Variants in ARHGEF3 observed in about 807,000 individuals in gnomAD.
ARHGEF3 encodes Rho guanine nucleotide exchange factor 3.
ARHGEF3 carries 28 observed loss-of-function variants against 63.2 expected under a neutral mutation model. The observed-to-expected ratio is 0.44, with a 90% CI of 0.33 to 0.61. The LOEUF is 0.61. ARHGEF3 is among the 20% of genes least tolerant of loss of function. The pLI, the probability that ARHGEF3 is intolerant of heterozygous loss-of-function variation, is 0.03. For missense variants in ARHGEF3, 533 were observed against 659.3 expected (o/e 0.81, Z 2.10); for synonymous variants, 266 against 254.2 (o/e 1.05, Z -0.44).
chr3:56,729,852 G>A (rs541158236), intron 9 of ARHGEF3, among the ~76,000 whole-genome samples: 34 of 121,248 alleles, frequency 2.8e-4, no homozygotes, highest in Non-Finnish European at 4.4e-4. Flanking sequence ...TCAGAAACCC[G>A]CAGGTGGAGA....
intron 4 of ARHGEF3, among the ~76,000 whole-genome samples, chr3:56,752,346 C>T (rs181854885): frequency 7.5e-4 from 114 of 152,326 alleles, no homozygotes; most frequent in African/African-American, 2.6e-3. Context: ...GTGTGAGCCA[C>T]CGGACCCGGC....
chr3:56,793,319 G>A (rs1391326191), intron 1 of ARHGEF3, among the ~76,000 whole-genome samples: 6 of 152,170 alleles, frequency 3.9e-5, no homozygotes, highest in Admixed American at 2.0e-4. Flanking sequence ...ACAGGTGCCC[G>A]CCACCGCGCC....
At chr3:56,788,077 T>C (rs1255433809) in intron 1 of ARHGEF3, among the ~76,000 whole-genome samples, 1 of 152,180 alleles carries the variant, frequency 6.6e-6, no homozygotes. Flanking sequence ...ATTCAAGCCC[T>C]ATCACTCTGG....
chr3:57,073,923 T>A, intron 1 of ARHGEF3: 1 of 1,614,176 alleles, frequency 6.2e-7, no homozygotes. Context: ...GGGGGATGTG[T>A]GCCAAAGTGA....
At chr3:56,747,236 C>A (rs972343333) in intron 6 of ARHGEF3, among the ~76,000 whole-genome samples, 1 of 152,134 alleles carries the variant, frequency 6.6e-6, no homozygotes, top group Non-Finnish European at 1.5e-5. Flanking sequence ...TAGGAAGAAA[C>A]AAATCAGCAG....
At chr3:56,787,258 C>T (rs150801547) in intron 1 of ARHGEF3, among the ~76,000 whole-genome samples, 9 of 152,240 alleles carry the variant, frequency 5.9e-5, no homozygotes, top group African/African-American at 9.6e-5. Flanking sequence ...GAGAGTCAAG[C>T]GAGGGGCGCC....
intron 2 of ARHGEF3, among the ~76,000 whole-genome samples, chr3:56,989,517 T>A (rs982231807): frequency 6.6e-6 from 1 of 152,152 alleles, no homozygotes; most frequent in African/African-American, 2.4e-5. Context: ...CCCCAGCAGG[T>A]CTGTGCCCAG....
intron 2 of ARHGEF3, among the ~76,000 whole-genome samples, chr3:56,759,349 T>C (rs1263667961): frequency 6.6e-6 from 1 of 151,940 alleles, no homozygotes; most frequent in Admixed American, 6.6e-5. Context: ...AGCTAATTTT[T>C]TTGTATTTTT....
intron 2 of ARHGEF3, among the ~76,000 whole-genome samples, chr3:57,019,986 C>T (rs982603428): frequency 1.3e-5 from 2 of 152,176 alleles, no homozygotes; most frequent in African/African-American, 4.8e-5. Flanking sequence ...GCAAACTCCA[C>T]CTCCCAGGTT....
chr3:56,827,775 A>G (rs2108061438), intron 4 of ARHGEF3, among the ~76,000 whole-genome samples: 1 of 82,908 alleles, frequency 1.2e-5, no homozygotes, highest in South Asian at 3.9e-4. Flanking sequence ...AAAAAAAAAC[A>G]GAAAAGAAAA....
At chr3:56,879,985 A>G (rs2040712418) in intron 4 of ARHGEF3, among the ~76,000 whole-genome samples, 1 of 152,308 alleles carries the variant, frequency 6.6e-6, no homozygotes, top group Admixed American at 6.5e-5. Flanking sequence ...CTCCATGGCC[A>G]CATCTAGATC....
At chr3:57,057,904 G>C (rs1048200660) in intron 1 of ARHGEF3, among the ~76,000 whole-genome samples, 1 of 152,188 alleles carries the variant, frequency 6.6e-6, no homozygotes, top group African/African-American at 2.4e-5. Context: ...AGACAGACAA[G>C]GGAGAGTTGA....
At chr3:56,807,041 G>T (rs1275422389) in intron 4 of ARHGEF3, among the ~76,000 whole-genome samples, 1 of 151,876 alleles carries the variant, frequency 6.6e-6, no homozygotes, top group Non-Finnish European at 1.5e-5. Flanking sequence ...ACACCACCAC[G>T]CCCGGCTAAT....
intron 4 of ARHGEF3, among the ~76,000 whole-genome samples, chr3:56,863,354 C>T (rs981224054): frequency 4.0e-5 from 6 of 150,818 alleles, no homozygotes; most frequent in Non-Finnish European, 7.4e-5. Flanking sequence ...GGCTGGAGTG[C>T]AGTGGTGCAA....
chr3:56,970,798 G>A lies in ARHGEF3; in HGVS notation c.63-11909C>T, dbSNP rs150403976. On this transcript the variant is annotated intron_variant, in intron 2 of 12. Coordinates refer to the ARHGEF3 transcript ENST00000338458. ...TTCCTGAGTGCTGCCATACAGGGGC[G>A]GCTTCGCCCAGTAGTTAAGAGCACA... Among the ~76,000 whole-genome samples, 522 of 152,314 alleles carry A rather than the reference G, an allele frequency of 3.4e-3. 7 individuals carry two copies. Among genetic ancestry groups the A allele is most frequent in the African/African-American group, 0.012 (501 of 41,562 alleles).
intron 9 of ARHGEF3, among the ~76,000 whole-genome samples, chr3:56,730,588 C>G (rs761380111): frequency 2.6e-5 from 4 of 152,104 alleles, no homozygotes; most frequent in African/African-American, 7.2e-5. Context: ...GCCATGTTGG[C>G]TAGGCTGGTC....
intron 4 of ARHGEF3, among the ~76,000 whole-genome samples, chr3:56,753,245 T>C (rs934738400): frequency 6.6e-6 from 1 of 152,200 alleles, no homozygotes; most frequent in African/African-American, 2.4e-5. Context: ...AGGCGAGGCC[T>C]CCATGGACAC....
chr3:57,034,329 GA>G (rs925598215), intron 2 of ARHGEF3, among the ~76,000 whole-genome samples: 42 of 150,254 alleles, frequency 2.8e-4, no homozygotes, highest in Admixed American at 3.3e-4. Flanking sequence ...GAAAGAGGAA[GA>G]AATGGTGAGT....
At chr3:56,794,050 A>C (rs1221644094) in intron 1 of ARHGEF3, among the ~76,000 whole-genome samples, 1 of 152,220 alleles carries the variant, frequency 6.6e-6, no homozygotes, top group Non-Finnish European at 1.5e-5. Context: ...ACATTTGGAA[A>C]AGTTAAGGGA....
Sources: allele counts gnomAD v4.1 joint callset (sites outside exome capture counted in the v4.1 genomes callset), GRCh38; gene constraint gnomAD v4.1.1; transcripts MANE v1.5; gene names NCBI Gene and HGNC (gene_info 2026-07-23, HGNC 2026-07-21).